The following NAALADL2 variants were observed in gnomAD, a reference collection of about 807,000 sequenced individuals.
The protein encoded by NAALADL2 is N-acetylated alpha-linked acidic dipeptidase like 2, also known as inactive N-acetylated-alpha-linked acidic dipeptidase-like protein 2.
A neutral mutation model predicts 87.2 loss-of-function variants in NAALADL2; 76 were observed. That is an observed-to-expected ratio of 0.87 (90% CI 0.72 to 1.05). NAALADL2 has a LOEUF of 1.05. Ranked by LOEUF, NAALADL2 falls within the 50% of genes least tolerant of loss-of-function variation. The pLI is 0.00. For missense variants in NAALADL2, 1,089 were observed against 945.8 expected, an observed-to-expected ratio of 1.15 and a Z score of -1.99; for synonymous variants, 354 against 331.0, an observed-to-expected ratio of 1.07 and a Z score of -0.75.
intron 2 of NAALADL2, among the ~76,000 whole-genome samples, chr3:175,215,959 ATTTCT>A (rs1742455092): frequency 6.6e-6 from 1 of 152,146 alleles, no homozygotes; most frequent in African/African-American, 2.4e-5. Flanking sequence ...TAATAGAATG[ATTTCT>A]TTTCTATTAA....
At chr3:174,668,548 T>A (rs1323302026) in intron 2 of NAALADL2, among the ~76,000 whole-genome samples, 1 of 152,144 alleles carries the variant, frequency 6.6e-6, no homozygotes, top group Non-Finnish European at 1.5e-5. Flanking sequence ...ATTAGGTATA[T>A]CTCCAAATGC....
intron 11 of NAALADL2, among the ~76,000 whole-genome samples, chr3:175,719,908 T>C (rs190015676): frequency 7.9e-5 from 12 of 152,300 alleles, no homozygotes; most frequent in Admixed American, 5.9e-4. Context: ...CCTCATGTGA[T>C]AGAAGAAGCT....
chr3:174,535,286 A>T (rs574781267), intron 1 of NAALADL2, among the ~76,000 whole-genome samples: 1 of 152,328 alleles, frequency 6.6e-6, no homozygotes, highest in South Asian at 2.1e-4. Flanking sequence ...AAGTACCCAG[A>T]TGACTTTTAT....
Position 175,803,063 on chromosome 3 carries a change from T to C in NAALADL2, c.2248T>C (p.Trp750Arg). The change falls in exon 14 of 14, where the codon TGG becomes CGG. Residue 750 changes from tryptophan to arginine, a missense_variant. Physicochemically the swap from Trp to Arg is moderately radical, Grantham distance 101. Transcript: ENST00000454872. ...TSRFSILIEA[W>R]EHCKPLASNE... ...CCGGTTTTCAATACTTATAGAGGCT[T>C]GGGAACACTGCAAACCCCTTGCATC... is the stretch of plus-strand genomic sequence containing the variant. 6.2e-7 allele frequency: 1 copy of C among 1,612,450 alleles called. No individual in the cohort carries two copies. Among genetic ancestry groups the C allele is most frequent in the South Asian group, 1.1e-5 (1 of 91,022 alleles).
At chr3:174,966,502 G>T (rs890640302) in intron 1 of NAALADL2, among the ~76,000 whole-genome samples, 2 of 152,176 alleles carry the variant, frequency 1.3e-5, no homozygotes, top group Non-Finnish European at 2.9e-5. Context: ...GTGAGCTGAT[G>T]GGTATGAGAG....
Position 175,055,883 on chromosome 3 carries a change from A to G in NAALADL2, c.44-40907A>G, listed in dbSNP as rs565712877. Among the ~76,000 whole-genome samples the G allele has an allele frequency of 3.9e-5, 6 of 152,310 alleles. No homozygotes were observed. In the East Asian group the frequency reaches 1.2e-3, roughly 29 times the overall value. ...TAGCTTTATGCAGATTACCTCCAGT[A>G]CCATCACAGGCCTTGATATAATCAA... On this transcript the variant is annotated intron_variant, in intron 1 of 13. Coordinates refer to ENST00000454872, the MANE Select transcript of NAALADL2 (RefSeq NM_207015.3).
intron 3 of NAALADL2, among the ~76,000 whole-genome samples, chr3:174,753,991 C>G (rs1402480130): frequency 6.6e-6 from 1 of 152,098 alleles, no homozygotes; most frequent in Non-Finnish European, 1.5e-5. Flanking sequence ...TCCCAGGAAC[C>G]CAATTATGCT....
chr3:175,250,253 C>CTGTGTGTGTGTG (rs147841608), intron 3 of NAALADL2, among the ~76,000 whole-genome samples: 119 of 146,186 alleles, frequency 8.1e-4, no homozygotes, highest in African/African-American at 2.8e-3. Context: ...CTCACTTTTT[C>CTGTGTGTGTGTG]TGTGTGTGTG....
chr3:174,989,105 A>G (rs1474194668), intron 1 of NAALADL2, among the ~76,000 whole-genome samples: 1 of 152,198 alleles, frequency 6.6e-6, no homozygotes, highest in African/African-American at 2.4e-5. Context: ...ACCAGCTCTC[A>G]TAGGAACTAA....
intron 13 of NAALADL2, among the ~76,000 whole-genome samples, chr3:175,766,847 T>C (rs1748757516): frequency 1.3e-5 from 2 of 152,166 alleles, no homozygotes; most frequent in Admixed American, 1.3e-4. Context: ...ATTTTGCACT[T>C]GACATTTTCT....
chr3:175,732,855 G>A lies in NAALADL2; in HGVS notation c.1897-4451G>A, dbSNP rs113210832. Among the ~76,000 whole-genome samples the A allele has an allele frequency of 4.2e-3, 623 of 149,224 alleles. 6 individuals are homozygous for A. Among genetic ancestry groups the A allele is most frequent in the African/African-American group, 0.014 (581 of 40,534 alleles). ...AAGTTATCAAAAATGGTTTTTCAAT[G>A]AGAACACATGTACATGGGAGGGGAA... is the stretch of plus-strand genomic sequence containing the variant. On this transcript the variant is annotated intron_variant, in intron 11 of 13. Transcript: ENST00000454872.
chr3:175,443,053 C>G (rs952744670), intron 5 of NAALADL2, among the ~76,000 whole-genome samples: 7 of 152,172 alleles, frequency 4.6e-5, no homozygotes, highest in African/African-American at 1.7e-4. Context: ...ACTCTTCTCT[C>G]AGCTCTTCTT....
At chr3:175,499,242 A>G (rs59638764) in intron 9 of NAALADL2, among the ~76,000 whole-genome samples, 4,856 of 152,114 alleles carry the variant, frequency 0.032, 277 homozygotes, top group African/African-American at 0.11. Context: ...CTAATTTCCA[A>G]TTTGTTTTAC....
At chr3:175,737,721 T>C (rs937164732) in intron 12 of NAALADL2, among the ~76,000 whole-genome samples, 1 of 137,698 alleles carries the variant, frequency 7.3e-6, no homozygotes, top group African/African-American at 2.8e-5. Flanking sequence ...CCAGTTTTTT[T>C]TTTTTTTTTT....
At chr3:175,508,297 A>G (rs901179868) in intron 9 of NAALADL2, among the ~76,000 whole-genome samples, 1 of 152,144 alleles carries the variant, frequency 6.6e-6, no homozygotes, top group Admixed American at 6.5e-5. Context: ...CATTCCAACT[A>G]TATCACTCTA....
At chr3:174,657,342 A>G (rs1281134645) in intron 2 of NAALADL2, among the ~76,000 whole-genome samples, 1 of 151,990 alleles carries the variant, frequency 6.6e-6, no homozygotes, top group Non-Finnish European at 1.5e-5. Flanking sequence ...GTTTTAGTAG[A>G]GACGGGGCTT....
At chr3:175,640,807 TA>T (rs1263451925) in intron 11 of NAALADL2, among the ~76,000 whole-genome samples, 2 of 152,138 alleles carry the variant, frequency 1.3e-5, no homozygotes, top group Non-Finnish European at 2.9e-5. Flanking sequence ...AGTTTTTATA[TA>T]AAAAAATTTA....
At chr3:175,302,280 T>G (rs1396850821) in intron 4 of NAALADL2, among the ~76,000 whole-genome samples, 1 of 152,182 alleles carries the variant, frequency 6.6e-6, no homozygotes, top group Non-Finnish European at 1.5e-5. Context: ...GAATGATGGG[T>G]AAGAATAAAT....
At chr3:175,501,086 G>A (rs765005415) in intron 9 of NAALADL2, among the ~76,000 whole-genome samples, 8 of 152,078 alleles carry the variant, frequency 5.3e-5, no homozygotes, top group Non-Finnish European at 1.0e-4. Flanking sequence ...ATAATACATA[G>A]AAGAGGATTT....
Sources: allele counts gnomAD v4.1 joint callset (sites outside exome capture counted in the v4.1 genomes callset), GRCh38; gene constraint gnomAD v4.1.1; transcripts MANE v1.5; gene names NCBI Gene and HGNC (gene_info 2026-07-23, HGNC 2026-07-21).